The following CYP2B6 variants were observed in gnomAD, a reference collection of about 807,000 sequenced individuals.
CYP2B6 encodes the protein cytochrome P450 family 2 subfamily B member 6, also known as cytochrome P450 2B6.
Under a neutral mutation model 43.4 loss-of-function variants are expected in CYP2B6, and 35 were observed. The ratio of observed to expected loss-of-function variants is 0.81; its 90% CI spans 0.62 to 1.07. The LOEUF (loss-of-function observed/expected upper bound fraction) is 1.07, where lower values mean the gene tolerates loss of function less well. CYP2B6 is among the 50% of genes least tolerant of loss of function. CYP2B6 has a pLI of 0.00. For synonymous variants in CYP2B6, 239 were observed against 239.2 expected, an observed-to-expected ratio of 1.00 and a Z score of 0.01; for missense variants, 624 against 632.8, an observed-to-expected ratio of 0.99 and a Z score of 0.15.
At chr19:40,991,851 T>A (rs1045955965) in intron 1 of CYP2B6, among the ~76,000 whole-genome samples, 2 of 152,020 alleles carry the variant, frequency 1.3e-5, no homozygotes, top group East Asian at 3.9e-4. Context: ...TTGCAGCCTG[T>A]GTGGACTGAA....
Position 41,016,996 on chromosome 19 carries a change from C to T in CYP2B6, c.*169C>T. ...TCTGAGGTCACATTGCAAGTGAGTG[C>T]AGGAGTGAGATTATCGAAAATTATA... On this transcript the variant is annotated 3_prime_UTR_variant, in exon 9 of 9. Transcript: ENST00000324071. 1.6e-6 allele frequency: 1 copy of T among 616,356 alleles called. No individual in the cohort carries two copies. The highest frequency in any genetic ancestry group is 2.8e-6 in the Non-Finnish European group (1 of 352,474). 38.2% of individuals were successfully genotyped at this position (616,356 alleles called of 1,614,324 possible). A position where few individuals can be genotyped will look rare whatever the true frequency, so the allele number is the denominator to read the frequency against.
intron 8 of CYP2B6, among the ~76,000 whole-genome samples, chr19:41,013,518 G>C (rs559135131): frequency 1.3e-3 from 197 of 152,284 alleles, no homozygotes; most frequent in African/African-American, 4.6e-3. Context: ...AAAGGCCAAA[G>C]GTAGAAACGT....
At chr19:41,006,355 G>A (rs1398762116) in intron 3 of CYP2B6, among the ~76,000 whole-genome samples, 2 of 138,080 alleles carry the variant, frequency 1.4e-5, no homozygotes, top group Non-Finnish European at 3.1e-5. Context: ...GTAGAGACAG[G>A]GTCTCCTTAT....
Position 41,009,983 on chromosome 19 carries a change from T to G in CYP2B6, c.823-11T>G. On this transcript the variant is annotated splice_polypyrimidine_tract_variant and intron_variant, in intron 5 of 8. Transcript: ENST00000324071. ...CCTGACCCTCCCCTTCCTTCCCTAC[T>G]GTGGACGCAGGAGAAATCCAACGCA... is the stretch of plus-strand genomic sequence containing the variant. 1.2e-6 allele frequency: 2 copies of G among 1,614,090 alleles called. No homozygotes were observed. The highest frequency in any genetic ancestry group is 1.7e-6 in the Non-Finnish European group (2 of 1,180,006).
intron 8 of CYP2B6, 63 bp from the exon 9 acceptor site, chr19:41,016,583 C>A: frequency 6.4e-7 from 1 of 1,567,952 alleles, no homozygotes; most frequent in Non-Finnish European, 8.8e-7. Flanking sequence ...GGCTTAGGGA[C>A]ATGGCAGAGC....
chr19:40,992,215 A>AT, intron 1 of CYP2B6, among the ~76,000 whole-genome samples: 1 of 151,676 alleles, frequency 6.6e-6, no homozygotes, highest in East Asian at 1.9e-4. Flanking sequence ...AAAAAAAAAA[A>AT]AAAAAAGAAT....
intron 4 of CYP2B6, chr19:41,007,539 C>A (rs183649027): frequency 1.2e-3 from 188 of 161,352 alleles, no homozygotes; most frequent in African/African-American, 4.3e-3. Flanking sequence ...CTTACTGCAA[C>A]CTCCACCTCC....
In CYP2B6 at chr19:41,004,535, A is replaced by T. The variant is rs76456073; in HGVS notation, c.484+89A>T. On this transcript the variant is annotated intron_variant, in intron 3 of 8. Transcript: ENST00000324071. ...GAATAGAAAGACAGAGAGGTATATA[A>T]GGGCACAGACAGAGACAGACGAAAC... The T allele has an allele frequency of 2.6e-4, 382 of 1,480,328 alleles. No homozygotes were observed. In the African/African-American group the frequency reaches 4.3e-3, roughly 17 times the overall value. The allele number at this position is 1,480,328 out of a possible 1,614,324, so 91.7% of individuals were successfully genotyped here.
intron 3 of CYP2B6, among the ~76,000 whole-genome samples, chr19:41,005,883 A>G (rs1275573909): frequency 6.6e-6 from 1 of 152,118 alleles, no homozygotes; most frequent in Non-Finnish European, 1.5e-5. Context: ...ATTGAGGCAG[A>G]GAAAATTAGA....
chr19:40,999,273 T>C (rs1969045305), intron 1 of CYP2B6, among the ~76,000 whole-genome samples: 1 of 152,084 alleles, frequency 6.6e-6, no homozygotes, highest in South Asian at 2.1e-4. Context: ...GATGGGGTTG[T>C]TTTTTTCTTG....
rs370560380 is a variant in CYP2B6 at position 41,012,395 on chromosome 19, T to C, written c.1062T>C (p.Tyr354=). The part of the protein sequence containing the change: ...AKMPYTEAVI[Y]EIQRFSDLLP... ...TGCCATACACAGAGGCAGTCATCTA[T>C]GAGATTCAGAGATTTTCCGACCTTC... is the stretch of plus-strand genomic sequence containing the variant. The change falls in exon 7 of 9, where the codon TAT becomes TAC. Residue 354 remains tyrosine (Y), a synonymous_variant. Coordinates refer to ENST00000324071, the MANE Select transcript of CYP2B6 (RefSeq NM_000767.5). 1.9e-6 allele frequency: 3 copies of C among 1,613,826 alleles called. No homozygotes were observed. The highest frequency in any genetic ancestry group is 1.3e-5 in the African/African-American group (1 of 74,910).
At chr19:41,007,108 A>T in intron 4 of CYP2B6, 43 bp downstream of exon 4, 1 of 1,576,576 alleles carries the variant, frequency 6.3e-7, no homozygotes, top group South Asian at 1.1e-5. Context: ...GGGTGAGGTG[A>T]ACACCCAGAA....
intron 1 of CYP2B6, among the ~76,000 whole-genome samples, chr19:40,994,740 T>C (rs985111215): frequency 6.6e-6 from 1 of 152,172 alleles, no homozygotes; most frequent in African/African-American, 2.4e-5. Context: ...TTTGCAGCCA[T>C]TATTCAGATA....
At chr19:40,992,201 C>CA (rs561830421) in intron 1 of CYP2B6, among the ~76,000 whole-genome samples, 2,913 of 62,202 alleles carry the variant, frequency 0.047, 188 homozygotes, top group African/African-American at 0.13. Flanking sequence ...GACTCCTTCT[C>CA]AAAAAAAAAA....
intron 1 of CYP2B6, among the ~76,000 whole-genome samples, chr19:41,001,688 G>C (rs762332462): frequency 1.3e-5 from 2 of 151,830 alleles, no homozygotes; most frequent in African/African-American, 4.9e-5. Flanking sequence ...ATTTATTCAC[G>C]AATCCAATAA....
In CYP2B6 at chr19:41,007,042, C is replaced by A; in HGVS notation, c.622C>A (p.Leu208Ile). ...MLNLFYQTFS[L>I]ISSVFGQLFE... is the part of the protein sequence containing the mutation. Reference sequence around the variant, plus strand: ...GAACTTGTTCTACCAGACTTTTTCACTCATCAGCTCTGTATTCGGCCAGGT... The same window carrying A: ...GAACTTGTTCTACCAGACTTTTTCAATCATCAGCTCTGTATTCGGCCAGGT... The change falls in exon 4 of 9, where the codon CTC becomes ATC. Residue 208 changes from leucine to isoleucine, a missense_variant. Leu to Ile is a conservative substitution (Grantham distance 5). Transcript: ENST00000324071. 18 of 1,614,132 alleles carry A rather than the reference C, an allele frequency of 1.1e-5. No homozygotes were observed. Among genetic ancestry groups the A allele is most frequent in the Non-Finnish European group, 1.5e-5 (18 of 1,180,046 alleles).
Position 41,016,948 on chromosome 19 carries a change from C to T in CYP2B6, c.*121C>T, listed in dbSNP as rs1353559745. 9.6e-6 allele frequency: 10 copies of T among 1,044,092 alleles called. No homozygotes were observed. Among genetic ancestry groups the T allele is most frequent in the African/African-American group, 1.6e-5 (1 of 63,138 alleles). 64.7% of individuals were successfully genotyped at this position (1,044,092 alleles called of 1,614,324 possible). On this transcript the variant is annotated 3_prime_UTR_variant, in exon 9 of 9. Coordinates refer to ENST00000324071, the MANE Select transcript of CYP2B6 (RefSeq NM_000767.5). ...GAGAGACCTGCTACAAGCCAGCTTC[C>T]TTCCCCTCCATGGCACCAGTTGTCT... is the stretch of plus-strand genomic sequence containing the variant.
intron 7 of CYP2B6, 56 bp from the exon 8 acceptor site, chr19:41,012,618 T>A: frequency 6.2e-7 from 1 of 1,612,566 alleles, no homozygotes; most frequent in Non-Finnish European, 8.5e-7. Flanking sequence ...TTTTGTGGAG[T>A]GTGTGGAGGG....
intron 4 of CYP2B6, chr19:41,007,468 A>AT (rs1177482271): frequency 4.2e-5 from 8 of 190,128 alleles, no homozygotes; most frequent in South Asian, 1.1e-4. Context: ...TTTCTGTTTT[A>AT]TTTTTTTTAG....
Sources: allele counts gnomAD v4.1 joint callset (sites outside exome capture counted in the v4.1 genomes callset), GRCh38; gene constraint gnomAD v4.1.1; transcripts MANE v1.5; gene names NCBI Gene and HGNC (gene_info 2026-07-23, HGNC 2026-07-21).